Variants in STPG2 observed in about 807,000 individuals in gnomAD.
STPG2 encodes the protein sperm-tail PG-rich repeat-containing protein 2.
Under a neutral mutation model 54.2 loss-of-function variants are expected in STPG2, and 56 were observed. The ratio of observed to expected loss-of-function variants is 1.03; its 90% confidence interval spans 0.83 to 1.29. The LOEUF (loss-of-function observed/expected upper bound fraction) is 1.29, where lower values mean the gene tolerates loss of function less well. Among genes scored for constraint, STPG2 ranks in the 50% most tolerant of loss-of-function variants. STPG2 has a pLI of 0.00. For synonymous variants in STPG2, 200 were observed against 181.8 expected, an observed-to-expected ratio of 1.10 and a Z score of -0.81; for missense variants, 596 against 544.9, an observed-to-expected ratio of 1.09 and a Z score of -0.93.
chr4:98,090,789 C>T (rs1738662421), intron 5 of STPG2, among the ~76,000 whole-genome samples: 1 of 151,950 alleles, frequency 6.6e-6, no homozygotes, highest in Non-Finnish European at 1.5e-5. Context: ...CCACTTACCA[C>T]TAAATATCCC....
chr4:97,815,355 T>C (rs1287401950), intron 9 of STPG2, among the ~76,000 whole-genome samples: 1 of 152,186 alleles, frequency 6.6e-6, no homozygotes, highest in Non-Finnish European at 1.5e-5. Flanking sequence ...ATTTGCATTA[T>C]TATACTTAGT....
intron 9 of STPG2, among the ~76,000 whole-genome samples, chr4:97,722,362 A>G (rs958546095): frequency 2.6e-5 from 4 of 152,132 alleles, no homozygotes; most frequent in African/African-American, 9.7e-5. Context: ...TCCCATGCCA[A>G]TATGTTTTAT....
At chr4:97,875,606 C>G (rs1386379577) in intron 8 of STPG2, among the ~76,000 whole-genome samples, 1 of 151,756 alleles carries the variant, frequency 6.6e-6, no homozygotes, top group Non-Finnish European at 1.5e-5. Context: ...TATAGTTATC[C>G]TTATATCCCC....
intron 5 of STPG2, among the ~76,000 whole-genome samples, chr4:98,091,348 T>C (rs563013206): frequency 6.6e-6 from 1 of 152,206 alleles, no homozygotes; most frequent in South Asian, 2.1e-4. Flanking sequence ...TTAAAATGTT[T>C]ACCGGCCCAA....
chr4:97,695,394 A>G (rs1723537702), intron 10 of STPG2, among the ~76,000 whole-genome samples: 1 of 152,200 alleles, frequency 6.6e-6, no homozygotes, highest in Non-Finnish European at 1.5e-5. Flanking sequence ...ATTATACTGA[A>G]TGGGGAAAAG....
At chr4:98,054,955 G>GA (rs1737436331) in intron 5 of STPG2, among the ~76,000 whole-genome samples, 1 of 152,184 alleles carries the variant, frequency 6.6e-6, no homozygotes, top group African/African-American at 2.4e-5. Flanking sequence ...TTACTCTCCA[G>GA]AAAAATGTAT....
At chr4:97,648,475 C>G (rs191504802) in intron 10 of STPG2, among the ~76,000 whole-genome samples, 2 of 152,238 alleles carry the variant, frequency 1.3e-5, no homozygotes, top group African/African-American at 4.8e-5. Context: ...GGACCACTTA[C>G]TATCAGTGTT....
chr4:97,622,558 A>G lies in STPG2; in HGVS notation c.1321-63441T>C, dbSNP rs922188044. ...AAAATATCTAGGAATACAGCTAACAAGGGAGTTGAAAGATCAGTACAACAA... is the reference window on the plus strand; with the variant it reads ...AAAATATCTAGGAATACAGCTAACAGGGGAGTTGAAAGATCAGTACAACAA... On this transcript the variant is annotated intron_variant, in intron 10 of 10. Coordinates refer to ENST00000295268, the MANE Select transcript of STPG2 (RefSeq NM_174952.3). 3.9e-5 allele frequency among the ~76,000 whole-genome samples: 6 copies of G among 152,314 alleles called. No homozygotes were observed. In the South Asian group the frequency reaches 8.3e-4, roughly 21 times the overall value.
intron 10 of STPG2, among the ~76,000 whole-genome samples, chr4:97,628,365 T>C (rs1287174614): frequency 1.3e-5 from 2 of 152,120 alleles, no homozygotes; most frequent in African/African-American, 4.8e-5. Context: ...AATAAAGCTG[T>C]GCCAGAGTGA....
intron 5 of STPG2, among the ~76,000 whole-genome samples, chr4:97,987,803 C>T (rs1389194413): frequency 6.6e-6 from 1 of 151,974 alleles, no homozygotes; most frequent in Non-Finnish European, 1.5e-5. Context: ...ACCTCCACAA[C>T]TACCACTCTG....
intron 4 of STPG2, among the ~76,000 whole-genome samples, chr4:97,540,479 A>G (rs893084004): frequency 6.6e-6 from 1 of 152,200 alleles, no homozygotes; most frequent in African/African-American, 2.4e-5. Flanking sequence ...TGAGGTAATA[A>G]TTAATAGCTT....
chr4:97,675,648 G>C (rs1036181143), intron 10 of STPG2, among the ~76,000 whole-genome samples: 3 of 151,676 alleles, frequency 2.0e-5, no homozygotes, highest in African/African-American at 7.3e-5. Flanking sequence ...TCTTTGTTCT[G>C]TTTTGTTTCC....
intron 10 of STPG2, among the ~76,000 whole-genome samples, chr4:97,576,387 A>G (rs1002247346): frequency 1.3e-5 from 2 of 152,198 alleles, no homozygotes; most frequent in Admixed American, 6.5e-5. Flanking sequence ...TATGGTAACC[A>G]AAACAGCATG....
At chr4:98,011,190 T>C (rs1409141363) in intron 5 of STPG2, among the ~76,000 whole-genome samples, 1 of 152,170 alleles carries the variant, frequency 6.6e-6, no homozygotes, top group African/African-American at 2.4e-5. Context: ...AACTCCTGTT[T>C]ATGAGTGAGA....
At chr4:97,935,527 A>G (rs968631422) in intron 8 of STPG2, among the ~76,000 whole-genome samples, 3 of 152,152 alleles carry the variant, frequency 2.0e-5, no homozygotes, top group Non-Finnish European at 2.9e-5. Flanking sequence ...TAGTGCTAGA[A>G]GTTTCCCTCT....
At chr4:97,987,840 G>C (rs1263082626) in intron 5 of STPG2, among the ~76,000 whole-genome samples, 1 of 151,790 alleles carries the variant, frequency 6.6e-6, no homozygotes, top group African/African-American at 2.4e-5. Flanking sequence ...TCTCTTACCT[G>C]AATTATTTTA....
chr4:97,589,200 A>G (rs2148896792), intron 10 of STPG2, among the ~76,000 whole-genome samples: 1 of 152,178 alleles, frequency 6.6e-6, no homozygotes, highest in Non-Finnish European at 1.5e-5. Flanking sequence ...GTATGTGCAT[A>G]TAATTATACA....
intron 4 of STPG2, among the ~76,000 whole-genome samples, chr4:97,511,459 A>G (rs1730970898): frequency 6.6e-6 from 1 of 152,072 alleles, no homozygotes; most frequent in Admixed American, 6.6e-5. Flanking sequence ...AAATATATAA[A>G]GAAAATTTTA....
At chr4:97,795,864 G>T (rs1727156463) in intron 9 of STPG2, among the ~76,000 whole-genome samples, 1 of 152,132 alleles carries the variant, frequency 6.6e-6, no homozygotes, top group Non-Finnish European at 1.5e-5. Context: ...AGCACCTGTT[G>T]TTTCCTGACT....
Sources: allele counts gnomAD v4.1 joint callset (sites outside exome capture counted in the v4.1 genomes callset), GRCh38; gene constraint gnomAD v4.1.1; transcripts MANE v1.5; gene names NCBI Gene and HGNC (gene_info 2026-07-23, HGNC 2026-07-21).